The following SFXN5 variants were observed in gnomAD, a reference collection of about 807,000 sequenced individuals.
SFXN5 encodes sideroflexin 5.
Under a neutral mutation model 50.2 loss-of-function variants are expected in SFXN5, and 43 were observed. The observed-to-expected ratio is 0.86, with a 90% CI of 0.67 to 1.11. The LOEUF (loss-of-function observed/expected upper bound fraction) is 1.11, where lower values mean the gene tolerates loss of function less well. Ranked by LOEUF, SFXN5 falls within the 50% of genes least tolerant of loss-of-function variation. The pLI is 0.00. For synonymous variants in SFXN5, 203 were observed against 185.8 expected, an observed-to-expected ratio of 1.09 and a Z score of -0.75; for missense variants, 463 against 454.1, an observed-to-expected ratio of 1.02 and a Z score of -0.18.
At chr2:73,002,222 G>C (rs185207722) in intron 6 of SFXN5, among the ~76,000 whole-genome samples, 1 of 152,350 alleles carries the variant, frequency 6.6e-6, no homozygotes, top group East Asian at 1.9e-4. Context: ...TGTTGAATGA[G>C]TGAAGAAAGG....
chr2:73,043,146 T>C (rs964609873), intron 2 of SFXN5, among the ~76,000 whole-genome samples: 1 of 152,194 alleles, frequency 6.6e-6, no homozygotes, highest in Non-Finnish European at 1.5e-5. Context: ...GAAGCTCGTG[T>C]CAAGGTCCAG....
intron 2 of SFXN5, among the ~76,000 whole-genome samples, chr2:73,047,762 T>C (rs1680703697): frequency 6.6e-6 from 1 of 152,168 alleles, no homozygotes; most frequent in Non-Finnish European, 1.5e-5. Flanking sequence ...TTACCCAGTC[T>C]TGAGTATGTC....
At chr2:72,988,220 C>T in intron 10 of SFXN5, 38 bp downstream of exon 10, 1 of 1,585,114 alleles carries the variant, frequency 6.3e-7, no homozygotes, top group Non-Finnish European at 8.6e-7. Flanking sequence ...CCCCCACACC[C>T]ACCCACAGCA....
intron 12 of SFXN5, among the ~76,000 whole-genome samples, chr2:72,967,789 C>A (rs1485109388): frequency 6.6e-6 from 1 of 152,190 alleles, no homozygotes. Context: ...AGGGCCCGCC[C>A]TCTCTGCGCA....
At position 72,945,207 on chromosome 2, in the gene SFXN5, AC is replaced by A; in HGVS notation, c.946-109del. On this transcript the variant is annotated intron_variant, in intron 13 of 13. Coordinates refer to ENST00000272433, the MANE Select transcript of SFXN5 (RefSeq NM_144579.3). This position sits in a 1 kb window ranked among gnomAD's most constrained non-coding sequence, Gnocchi z 5.8. ...TGGGCCCCAGAGCTCTGCCCCCTGC[AC>A]CCCCGTGTCCACCCCAGCCAGGGCT... The A allele has an allele frequency of 2.9e-6, 3 of 1,020,650 alleles. No homozygotes were observed. The highest frequency in any genetic ancestry group is 4.5e-6 in the Non-Finnish European group (3 of 674,038). 63.2% of individuals were successfully genotyped at this position (1,020,650 alleles called of 1,614,324 possible).
chr2:73,071,635 G>A lies in SFXN5; in HGVS notation c.71C>T (p.Pro24Leu), dbSNP rs1192524406. 4 of 1,613,860 alleles carry A rather than the reference G, an allele frequency of 2.5e-6. No homozygotes were observed. In the African/African-American group the frequency reaches 4.0e-5, roughly 16 times the overall value. The change falls in exon 1 of 14, where the codon CCT (proline) becomes CTT (leucine). Residue 24 changes from proline to leucine, a missense_variant. Pro to Leu is a moderately conservative substitution (Grantham distance 98). Coordinates refer to ENST00000272433, the MANE Select transcript of SFXN5 (RefSeq NM_144579.3). Reference sequence around the variant, plus strand: ...GAAGCGGGGTTTGCCCAGTTGGAAAGGAGGTGCATCGCTCGAGGCGCTAGC... The same window carrying A: ...GAAGCGGGGTTTGCCCAGTTGGAAAAGAGGTGCATCGCTCGAGGCGCTAGC... ...SAASASSDAP[P>L]FQLGKPRFQQ...
rs2105577254 is a variant in SFXN5 at position 72,988,349 on chromosome 2, C to A, written c.535-1G>T. The A allele has an allele frequency of 6.2e-7, 1 of 1,613,282 alleles. No homozygotes were observed. The highest frequency in any genetic ancestry group is 8.5e-7 in the Non-Finnish European group (1 of 1,179,594). ...TCTGAACCAGGACATTAAGGCCCAC[C>A]TTTGAAAGAAAAAAATAAAAACACA... On this transcript the variant is annotated splice_acceptor_variant, in intron 9 of 13. Transcript: ENST00000272433. LOFTEE classifies it high-confidence loss of function.
intron 2 of SFXN5, chr2:73,053,442 C>T (rs1388202615): frequency 1.9e-5 from 3 of 154,080 alleles, no homozygotes; most frequent in Non-Finnish European, 4.4e-5. Context: ...CTTCCCTCTC[C>T]TTTCTCCATT....
intron 1 of SFXN5, among the ~76,000 whole-genome samples, chr2:73,066,541 G>A (rs1032172438): frequency 1.3e-5 from 2 of 151,372 alleles, no homozygotes; most frequent in Non-Finnish European, 2.9e-5. Flanking sequence ...CTGGGCGACA[G>A]AGAGAGACTC....
At chr2:72,966,753 G>A (rs553913898) in intron 12 of SFXN5, among the ~76,000 whole-genome samples, 1 of 152,256 alleles carries the variant, frequency 6.6e-6, no homozygotes, top group African/African-American at 2.4e-5. Context: ...CTGCTCTCTG[G>A]GTCGGCCGCA....
At chr2:73,047,564 C>T (rs1043325766) in intron 2 of SFXN5, among the ~76,000 whole-genome samples, 3 of 151,660 alleles carry the variant, frequency 2.0e-5, no homozygotes, top group African/African-American at 4.8e-5. Context: ...TTCCCCCATA[C>T]TGTTCTCATA....
intron 6 of SFXN5, among the ~76,000 whole-genome samples, chr2:73,013,276 C>T (rs1559155466): frequency 6.6e-6 from 1 of 151,690 alleles, no homozygotes; most frequent in Admixed American, 6.6e-5. Context: ...TACAAAATGG[C>T]ACAGAAATTA....
Position 72,971,577 on chromosome 2 carries a change from G to T in SFXN5, c.734C>A (p.Ala245Asp). The change falls in exon 11 of 14, where the codon GCC becomes GAC. Residue 245 changes from alanine (A) to aspartate (D), a missense_variant. Ala to Asp is a moderately radical substitution (Grantham distance 126, BLOSUM62 -2). Coordinates refer to ENST00000272433, the MANE Select transcript of SFXN5 (RefSeq NM_144579.3). Reference sequence around the variant, plus strand: ...GCGAACCCCCAGACCCACGTGTCGGGCTGCGATCTTGGAGGAGCCCACGAG... The same window carrying T: ...GCGAACCCCCAGACCCACGTGTCGGTCTGCGATCTTGGAGGAGCCCACGAG... ...GNLVGSSKIAARHALLETALT... is the reference protein window; with the variant it reads ...GNLVGSSKIADRHALLETALT... 6.2e-7 allele frequency: 1 copy of T among 1,613,532 alleles called. No individual in the cohort carries two copies. Among genetic ancestry groups the T allele is most frequent in the Non-Finnish European group, 8.5e-7 (1 of 1,179,656 alleles).
chr2:73,047,259 T>TATATATATATACACAC (rs1680552474), intron 2 of SFXN5, among the ~76,000 whole-genome samples: 1 of 73,496 alleles, frequency 1.4e-5, no homozygotes, highest in Non-Finnish European at 2.5e-5. Context: ...TATATATATA[T>TATATATATATACACAC]ATATATATAT....
intron 12 of SFXN5, among the ~76,000 whole-genome samples, chr2:72,963,494 A>G (rs1673995426): frequency 6.6e-6 from 1 of 151,742 alleles, no homozygotes; most frequent in South Asian, 2.1e-4. Flanking sequence ...CGGAAGCCCC[A>G]GCCCAGAGCA....
chr2:73,057,570 G>A (rs2106026687), intron 2 of SFXN5, among the ~76,000 whole-genome samples: 1 of 152,316 alleles, frequency 6.6e-6, no homozygotes, highest in Middle Eastern at 3.4e-3. Flanking sequence ...AGGGGGTGAA[G>A]ACAGGGAGGA....
At chr2:73,028,637 G>C (rs979929571) in intron 3 of SFXN5, among the ~76,000 whole-genome samples, 1 of 152,130 alleles carries the variant, frequency 6.6e-6, no homozygotes, top group African/African-American at 2.4e-5. Flanking sequence ...TTTGAACAAG[G>C]GTCTTGCATT....
rs918754415 is a variant in SFXN5, at chr2:72,953,274, C to T, written c.945+7857G>A. On this transcript the variant is annotated intron_variant, in intron 13 of 13. Transcript: ENST00000272433. This position sits in a 1 kb window ranked among gnomAD's most constrained non-coding sequence, Gnocchi z 4.1. ...GGGCGGGGAGGCAGCAGATTTCTGA[C>T]GGCAAAAATAGCCCACTTTAGAGTT... Among the ~76,000 whole-genome samples, 5 of 151,996 alleles carry T rather than the reference C, an allele frequency of 3.3e-5. No homozygotes were observed. Among genetic ancestry groups the T allele is most frequent in the African/African-American group, 4.8e-5 (2 of 41,348 alleles).
At chr2:72,967,647 C>G (rs915188914) in intron 12 of SFXN5, among the ~76,000 whole-genome samples, 1 of 152,170 alleles carries the variant, frequency 6.6e-6, no homozygotes, top group Non-Finnish European at 1.5e-5. Flanking sequence ...TACCACACGC[C>G]CCCAATTCCA....
Sources: gnomAD v4.1 joint callset for allele counts (sites outside exome capture counted in the v4.1 genomes callset) on GRCh38, gnomAD v4.1.1 for gene constraint, Gnocchi (gnomAD v3.1) non-coding constraint, MANE v1.5 for transcripts, NCBI Gene and HGNC (gene_info 2026-07-23, HGNC 2026-07-21) for gene names.